The following TRPV3 variants were observed in gnomAD, a reference collection of about 807,000 sequenced individuals.
TRPV3 encodes the protein transient receptor potential cation channel subfamily V member 3, also known as VRL-3.
Under a neutral mutation model 87.1 loss-of-function variants are expected in TRPV3, and 88 were observed. The ratio of observed to expected loss-of-function variants is 1.01; its 90% CI spans 0.85 to 1.21. TRPV3 has a LOEUF of 1.21. Ranked by LOEUF, TRPV3 falls within the 50% of genes most tolerant of loss-of-function variation. TRPV3 has a pLI of 0.00. For synonymous variants in TRPV3, 438 were observed against 423.3 expected (o/e 1.03, Z -0.43); for missense variants, 1,054 against 1,030.1 (o/e 1.02, Z -0.32).
chr17:3,544,633 G>T lies in TRPV3; in HGVS notation c.257C>A (p.Pro86His). 6.2e-7 allele frequency: 1 copy of T among 1,609,562 alleles called. No homozygotes were observed. ...TGTCACATCATCCTGAGGAGACTGG[G>T]GGGAGTCCATGTCATCACAGTTACC... is the stretch of plus-strand genomic sequence containing the variant. The part of the protein sequence containing the change: ...ISGNCDDMDS[P>H]QSPQDDVTET... The change falls in exon 4 of 18, where the codon CCC (proline) becomes CAC (histidine). Residue 86 changes from proline (P) to histidine (H), a missense_variant. Transcript: ENST00000576742.
At chr17:3,527,543 T>A (rs934349828) in intron 11 of TRPV3, among the ~76,000 whole-genome samples, 1 of 152,142 alleles carries the variant, frequency 6.6e-6, no homozygotes, top group Non-Finnish European at 1.5e-5. Context: ...GGGCCACACA[T>A]ATATAGAAGG....
chr17:3,524,334 GAC>G lies in TRPV3; in HGVS notation c.1605_1606del (p.Ser536CysfsTer50). On this transcript the variant is annotated frameshift_variant, in exon 13 of 18. Coordinates refer to ENST00000576742, the MANE Select transcript of TRPV3 (RefSeq NM_145068.4). LOFTEE classifies it high-confidence loss of function. ...GTAGGCAAACAAGTACAAGAAGACAGACAGTATCACAAGCACAGCTTGGATAA... is the reference window on the plus strand; with the variant it reads ...GTAGGCAAACAAGTACAAGAAGACAGAGTATCACAAGCACAGCTTGGATAA... 6.2e-7 allele frequency: 1 copy of G among 1,614,240 alleles called. No homozygotes were observed. Among genetic ancestry groups the G allele is most frequent in the East Asian group, 2.2e-5 (1 of 44,886 alleles).
Position 3,529,071 on chromosome 17 carries a change from G to A in TRPV3, c.1243-76C>T, listed in dbSNP as rs1034838975. 5 of 1,540,668 alleles carry A rather than the reference G, an allele frequency of 3.2e-6. No homozygotes were observed. The South Asian group carries it at 5.7e-5, about 18-fold the overall frequency. The stretch of plus-strand genomic sequence containing the variant: ...GACCGTTTTCTAAAGGCCTGCGGGA[G>A]CTCTGAGTCAGTGCTGCAGAAGGGG... On this transcript the variant is annotated intron_variant, in intron 9 of 17. Transcript: ENST00000576742.
intron 6 of TRPV3, among the ~76,000 whole-genome samples, chr17:3,540,092 T>TAAATAAATAAATAAAC (rs1555545584): frequency 0.011 from 1,645 of 150,828 alleles, 25 homozygotes; most frequent in Middle Eastern, 0.045. Flanking sequence ...AATAAATAAA[T>TAAATAAATAAATAAAC]AAACAAAGTC....
rs750700282 is a variant in TRPV3 at position 3,528,901 on chromosome 17, CAGA to C, written c.1334_1336del (p.Phe445del). 9.3e-6 allele frequency: 15 copies of C among 1,614,206 alleles called. No homozygotes were observed. The African/African-American group carries it at 1.6e-4, about 17-fold the overall frequency. ...GGTGATGTTGTAGAAGAAATAAAAG[CAGA>C]AGGACAGAAAGAACATGTGCTTGGC... is the stretch of plus-strand genomic sequence containing the variant. On this transcript the variant is annotated inframe_deletion, in exon 10 of 18. Coordinates refer to ENST00000576742, the MANE Select transcript of TRPV3 (RefSeq NM_145068.4). The surrounding 1 kb of genome is among the most constrained non-coding windows in gnomAD (Gnocchi z 4.2).
Position 3,530,099 on chromosome 17 carries a change from G to A in TRPV3, c.1170C>T (p.Tyr390=), listed in dbSNP as rs532516835. 1.9e-5 allele frequency: 31 copies of A among 1,614,164 alleles called. No homozygotes were observed. Among genetic ancestry groups the A allele is most frequent in the Admixed American group, 6.7e-5 (4 of 60,024 alleles). The part of the protein sequence containing the change: ...WAYGPVSSSL[Y]DLTNVDTTTD... ...TGGTGGTGTCCACGTTGGTGAGGTC[G>A]TAGAGGGAGGATGACACGGGTCCGT... is the stretch of plus-strand genomic sequence containing the variant. Residue 390 remains tyrosine, a synonymous_variant, in exon 9 of 18, where the codon TAC becomes TAT. Transcript: ENST00000576742. This position sits in a 1 kb window ranked among gnomAD's most constrained non-coding sequence, Gnocchi z 4.0.
rs1281550922 is a variant in TRPV3, at chr17:3,524,270, C to T, written c.1671G>A (p.Leu557=). The part of the protein sequence containing the change: ...YLACLVLAMA[L]GWANMLYYTR... ...TATAGTAGAGCATGTTCGCCCAGCC[C>T]AGGGCCATGGCCAGCACGAGGCAGG... Residue 557 remains leucine (L), a synonymous_variant, in exon 13 of 18, where the codon CTG becomes CTA. Transcript: ENST00000576742. The T allele has an allele frequency of 1.9e-6, 3 of 1,614,242 alleles. No homozygotes were observed. The highest frequency in any genetic ancestry group is 2.5e-6 in the Non-Finnish European group (3 of 1,180,036).
rs2074642941 is a variant in TRPV3 at position 3,557,402 on chromosome 17, A to G, written c.-3+274T>C. Among the ~76,000 whole-genome samples, 1 of 152,094 alleles carries G rather than the reference A, an allele frequency of 6.6e-6. No homozygotes were observed. The highest frequency in any genetic ancestry group is 2.1e-4 in the South Asian group (1 of 4,828). On this transcript the variant is annotated intron_variant, in intron 1 of 17. Transcript: ENST00000576742. The surrounding 1 kb of genome is among the most constrained non-coding windows in gnomAD (Gnocchi z 4.5). Reference sequence around the variant, plus strand: ...TCTGCCCCCAGCAGTGGTGAGATTGAGATGTCCCTCCCCAGGATTCCCAAA... The same window carrying G: ...TCTGCCCCCAGCAGTGGTGAGATTGGGATGTCCCTCCCCAGGATTCCCAAA...
At chr17:3,517,211 G>C (rs902019132) in intron 15 of TRPV3, among the ~76,000 whole-genome samples, 1 of 152,048 alleles carries the variant, frequency 6.6e-6, no homozygotes, top group African/African-American at 2.4e-5. Flanking sequence ...GAATCCCATA[G>C]CAGAGGACCG....
At chr17:3,555,474 G>A (rs1258959187) in intron 1 of TRPV3, among the ~76,000 whole-genome samples, 2 of 152,124 alleles carry the variant, frequency 1.3e-5, no homozygotes, top group Admixed American at 6.5e-5. Context: ...CATCTCCCCC[G>A]CCCACCCAAA....
At chr17:3,523,002 A>G (rs921134515) in intron 13 of TRPV3, among the ~76,000 whole-genome samples, 3 of 152,110 alleles carry the variant, frequency 2.0e-5, no homozygotes, top group Non-Finnish European at 4.4e-5. Flanking sequence ...GGGGGGTCTT[A>G]GAACATCTCC....
intron 6 of TRPV3, among the ~76,000 whole-genome samples, chr17:3,539,115 A>G (rs1317762845): frequency 6.6e-6 from 1 of 152,158 alleles, no homozygotes; most frequent in Non-Finnish European, 1.5e-5. Context: ...AGACTTTCAT[A>G]TTTTGGCATA....
chr17:3,524,882 G>A (rs62069863), intron 12 of TRPV3, among the ~76,000 whole-genome samples: 28,930 of 151,426 alleles, frequency 0.19, 3,373 homozygotes, highest in East Asian at 0.32. Context: ...ATCGATTTGA[G>A]AACTACTGGA....
Position 3,516,201 on chromosome 17 carries a change from G to A in TRPV3, c.2198+256C>T, listed in dbSNP as rs6502730. 0.94 allele frequency among the ~76,000 whole-genome samples: 143,013 copies of A among 152,000 alleles called. 67,646 individuals carry two copies. Among genetic ancestry groups the A allele is most frequent in the East Asian group, 1 (5,164 of 5,164 alleles). Reference sequence around the variant, plus strand: ...AATTCCGTCTCAAAAAAAAATAAAAGAAGAAAGAAAAATGCAGAGAGGGGA... The same window carrying A: ...AATTCCGTCTCAAAAAAAAATAAAAAAAGAAAGAAAAATGCAGAGAGGGGA... On this transcript the variant is annotated intron_variant, in intron 16 of 17. Transcript: ENST00000576742.
rs568212242 is a variant in TRPV3, at chr17:3,518,777, T to C, written c.1884A>G (p.Ala628=). Residue 628 remains alanine, a synonymous_variant, in exon 15 of 18, where the codon GCA becomes GCG. Transcript: ENST00000576742. This position sits in a 1 kb window ranked among gnomAD's most constrained non-coding sequence, Gnocchi z 4.3. Reference sequence around the variant, plus strand: ...TGGTGAGCTTGAAGAGTTCCAGCACTGCGTCGCTGAAGCTGCCGTAGGAGC... The same window carrying C: ...TGGTGAGCTTGAAGAGTTCCAGCACCGCGTCGCTGAAGCTGCCGTAGGAGC... The part of the protein sequence containing the change: ...DCSSYGSFSD[A]VLELFKLTIG... 7 of 1,614,128 alleles carry C rather than the reference T, an allele frequency of 4.3e-6. No individual in the cohort carries two copies. The highest frequency in any genetic ancestry group is 2.7e-5 in the African/African-American group (2 of 75,068).
Position 3,512,448 on chromosome 17 carries a change from G to C in TRPV3, c.*1469C>G. The C allele has an allele frequency of 6.6e-6, 1 of 152,198 alleles. No homozygotes were observed. Among genetic ancestry groups the C allele is most frequent in the South Asian group, 2.1e-4 (1 of 4,824 alleles). The allele number at this position is 152,198 out of a possible 1,614,324, so 9.4% of individuals were successfully genotyped here. On this transcript the variant is annotated 3_prime_UTR_variant, in exon 18 of 18. Transcript: ENST00000576742. ...GAAACTGGCCCAGAGTGCACTGCTA[G>C]GCCCCGACTCTTCAGTTTGCCTCAA...
At chr17:3,519,476 A>AGATGAGTGGATGGATGGATGGATG (rs2074217223) in intron 14 of TRPV3, among the ~76,000 whole-genome samples, 1 of 110,132 alleles carries the variant, frequency 9.1e-6, no homozygotes, top group African/African-American at 3.7e-5. Flanking sequence ...ATGGATGGAT[A>AGATGAGTGGATGGATGGATGGATG]GATGATTGGA....
chr17:3,535,489 TC>T, intron 7 of TRPV3, 83 bp downstream of exon 7: 1 of 1,273,962 alleles, frequency 7.8e-7, no homozygotes, highest in Non-Finnish European at 1.0e-6. Context: ...CCTCCCTTCT[TC>T]CCTCCTTCCC....
chr17:3,534,461 A>G (rs1313064956), intron 7 of TRPV3, among the ~76,000 whole-genome samples: 4 of 152,062 alleles, frequency 2.6e-5, no homozygotes, highest in African/African-American at 9.7e-5. Context: ...GTCAGGCAAG[A>G]CTGGGTGGCA....
Sources: gnomAD v4.1 joint callset for allele counts (sites outside exome capture counted in the v4.1 genomes callset) on GRCh38, gnomAD v4.1.1 for gene constraint, Gnocchi (gnomAD v3.1) non-coding constraint, MANE v1.5 for transcripts, NCBI Gene and HGNC (gene_info 2026-07-23, HGNC 2026-07-21) for gene names.